The following EPHA3 variants were observed in gnomAD, a reference collection of about 807,000 sequenced individuals.
EPHA3 encodes EPH receptor A3, also known as ephrin type-A receptor 3.
In EPHA3, 42 loss-of-function variants were observed where a neutral mutation model predicts 107.1. The ratio of observed to expected loss-of-function variants is 0.39; its 90% CI spans 0.31 to 0.51. The LOEUF (loss-of-function observed/expected upper bound fraction) is 0.51, where lower values mean the gene tolerates loss of function less well. EPHA3 is among the 20% of genes least tolerant of loss of function. The probability of loss-of-function intolerance (pLI) is 0.78; values close to 1 mark genes in which losing one functional copy is unlikely to be tolerated. For synonymous variants in EPHA3, 461 were observed against 424.8 expected (o/e 1.09, Z -1.05); for missense variants, 1,183 against 1,211.2 (o/e 0.98, Z 0.35).
rs1467055929 is a variant in EPHA3 at position 89,107,733 on chromosome 3, C to A, written c.-16C>A. On this transcript the variant is annotated 5_prime_UTR_variant, in exon 1 of 17. Coordinates refer to ENST00000336596, the MANE Select transcript of EPHA3 (RefSeq NM_005233.6). Reference sequence around the variant, plus strand: ...CATGGAGATATGCTCCTCTCACTGCCCTCTGCACCAGCAACATGGATTGTC... The same window carrying A: ...CATGGAGATATGCTCCTCTCACTGCACTCTGCACCAGCAACATGGATTGTC... The A allele has an allele frequency of 3.7e-6, 6 of 1,611,464 alleles. No homozygotes were observed. The highest frequency in any genetic ancestry group is 2.2e-5 in the South Asian group (2 of 91,044).
At chr3:89,263,540 G>T (rs532848688) in intron 3 of EPHA3, among the ~76,000 whole-genome samples, 1 of 152,276 alleles carries the variant, frequency 6.6e-6, no homozygotes, top group South Asian at 2.1e-4. Context: ...AAAAGGAGAT[G>T]GGGCAGGTAG....
At chr3:89,154,318 A>G (rs541396690) in intron 2 of EPHA3, among the ~76,000 whole-genome samples, 2 of 151,570 alleles carry the variant, frequency 1.3e-5, no homozygotes, top group East Asian at 2.0e-4. Context: ...ACGCATAAAA[A>G]GGTGAGCACT....
intron 3 of EPHA3, among the ~76,000 whole-genome samples, chr3:89,211,622 A>T (rs1221533630): frequency 6.6e-6 from 1 of 151,708 alleles, no homozygotes; most frequent in African/African-American, 2.4e-5. Context: ...TTTGCTTTTG[A>T]CTGTAGACAT....
chr3:89,212,580 A>C (rs959916853), intron 3 of EPHA3, among the ~76,000 whole-genome samples: 1 of 114,910 alleles, frequency 8.7e-6, no homozygotes, highest in Non-Finnish European at 1.8e-5. Flanking sequence ...ATTAATACCA[A>C]GGAAACATCA....
chr3:89,471,829 T>A (rs1710409797), intron 15 of EPHA3, among the ~76,000 whole-genome samples: 1 of 152,152 alleles, frequency 6.6e-6, no homozygotes, highest in African/African-American at 2.4e-5. Context: ...TCATGAATAA[T>A]GTGTTGCATA....
rs1339615261 is a variant in EPHA3 at position 89,413,199 on chromosome 3, A to T, written c.1821A>T (p.Gln607His). The change falls in exon 10 of 17, where the codon CAA becomes CAT. Residue 607 changes from glutamine (Q) to histidine (H), a missense_variant. Transcript: ENST00000336596. ...CACATACATATGAAGACCCTACCCA[A>T]GCTGTTCATGAGTTTGCCAAGGAAT... ...VDPHTYEDPTQAVHEFAKELD... is the reference protein window; with the variant it reads ...VDPHTYEDPTHAVHEFAKELD... 2.5e-6 allele frequency: 4 copies of T among 1,611,926 alleles called. No individual in the cohort carries two copies. The highest frequency in any genetic ancestry group is 3.4e-6 in the Non-Finnish European group (4 of 1,178,526).
intron 10 of EPHA3, among the ~76,000 whole-genome samples, chr3:89,415,467 A>AATATATATATATAT (rs71621548): frequency 0.041 from 5,386 of 131,154 alleles, 154 homozygotes; most frequent in Non-Finnish European, 0.051. Flanking sequence ...TTACAGAAAG[A>AATATATATATATAT]ATATATATAT....
chr3:89,400,636 C>CGT (rs57254382), intron 7 of EPHA3, among the ~76,000 whole-genome samples: 32,223 of 145,184 alleles, frequency 0.22, 3,681 homozygotes, highest in Non-Finnish European at 0.27. Flanking sequence ...TGTGTGTGAG[C>CGT]GTGTGTGTGT....
At chr3:89,293,574 G>T (rs896139194) in intron 3 of EPHA3, among the ~76,000 whole-genome samples, 2 of 152,152 alleles carry the variant, frequency 1.3e-5, no homozygotes, top group Non-Finnish European at 2.9e-5. Flanking sequence ...AACTTGGTGG[G>T]AGGTGATTGG....
chr3:89,111,276 T>A (rs1707099178), intron 1 of EPHA3, among the ~76,000 whole-genome samples: 2 of 152,052 alleles, frequency 1.3e-5, no homozygotes. Context: ...TTTTTAAAAA[T>A]TACAATAAAT....
chr3:89,190,559 C>T (rs1456995161), intron 2 of EPHA3, among the ~76,000 whole-genome samples: 10 of 152,278 alleles, frequency 6.6e-5, no homozygotes, highest in African/African-American at 2.4e-4. Flanking sequence ...TTCTCACAGG[C>T]TGGAAGTGTG....
intron 2 of EPHA3, among the ~76,000 whole-genome samples, chr3:89,193,177 A>C (rs1325611693): frequency 6.6e-6 from 1 of 152,040 alleles, no homozygotes; most frequent in East Asian, 1.9e-4. Flanking sequence ...GCAAAATATG[A>C]AATCATTTGA....
At chr3:89,318,169 A>G (rs1429609873) in intron 3 of EPHA3, among the ~76,000 whole-genome samples, 4 of 151,918 alleles carry the variant, frequency 2.6e-5, no homozygotes, top group African/African-American at 9.7e-5. Context: ...TTGTAACATC[A>G]TATTTTACAA....
At chr3:89,177,769 C>T (rs1576207010) in intron 2 of EPHA3, among the ~76,000 whole-genome samples, 1 of 152,154 alleles carries the variant, frequency 6.6e-6, no homozygotes, top group South Asian at 2.1e-4. Flanking sequence ...GTAGTCCTGA[C>T]AACATTTGAT....
chr3:89,400,194 T>A (rs1450131743), intron 7 of EPHA3: 11 of 46,226 alleles, frequency 2.4e-4, no homozygotes, highest in Non-Finnish European at 2.8e-4. Flanking sequence ...CTTTCTTTCT[T>A]TTTTTTTTTT....
chr3:89,152,913 AGTTT>A (rs1249447504), intron 2 of EPHA3, among the ~76,000 whole-genome samples: 1 of 152,078 alleles, frequency 6.6e-6, no homozygotes, highest in African/African-American at 2.4e-5. Flanking sequence ...CCCAAGGCTC[AGTTT>A]GTAGTATTTA....
intron 15 of EPHA3, among the ~76,000 whole-genome samples, chr3:89,453,644 C>T (rs1420184222): frequency 6.6e-6 from 1 of 152,160 alleles, no homozygotes; most frequent in Non-Finnish European, 1.5e-5. Flanking sequence ...TTAACAACCT[C>T]ACATTACTAT....
chr3:89,333,974 G>A (rs1707344788), intron 3 of EPHA3, among the ~76,000 whole-genome samples: 1 of 151,694 alleles, frequency 6.6e-6, no homozygotes, highest in Non-Finnish European at 1.5e-5. Flanking sequence ...TATTTTTCTT[G>A]TCATTAAAAG....
At chr3:89,128,007 A>G (rs1359293923) in intron 2 of EPHA3, among the ~76,000 whole-genome samples, 2 of 152,092 alleles carry the variant, frequency 1.3e-5, no homozygotes, top group South Asian at 2.1e-4. Context: ...CAATTGTGTA[A>G]TAAATTCCTG....
Sources: allele counts gnomAD v4.1 joint callset (sites outside exome capture counted in the v4.1 genomes callset), GRCh38; gene constraint gnomAD v4.1.1; transcripts MANE v1.5; gene names NCBI Gene and HGNC (gene_info 2026-07-23, HGNC 2026-07-21).